The following FAHD2B variants were observed in gnomAD, a reference collection of about 807,000 sequenced individuals.
The protein encoded by FAHD2B is fumarylacetoacetate hydrolase domain containing 2B, also known as oxaloacetate tautomerase FAHD2B, mitochondrial.
Under a neutral mutation model 33.7 loss-of-function variants are expected in FAHD2B, and 26 were observed. That is an observed-to-expected ratio of 0.77 (90% CI 0.57 to 1.07). FAHD2B has a LOEUF of 1.07. Ranked by LOEUF, FAHD2B falls within the 50% of genes least tolerant of loss-of-function variation. The pLI, the probability that FAHD2B is intolerant of heterozygous loss-of-function variation, is 0.00. For synonymous variants in FAHD2B, 108 were observed against 150.9 expected, an observed-to-expected ratio of 0.72 and a Z score of 2.08; for missense variants, 272 against 388.1, an observed-to-expected ratio of 0.70 and a Z score of 2.51.
At chr2:97,085,634 T>A (rs2031925079) in intron 6 of FAHD2B, 65 bp downstream of exon 6, 1 of 1,594,700 alleles carries the variant, frequency 6.3e-7, no homozygotes, top group African/African-American at 1.3e-5. Context: ...GAACCCATGC[T>A]CCTCCCTGGA....
downstream of FAHD2B, chr2:97,081,519 G>C: frequency 1.3e-6 from 2 of 1,564,972 alleles, no homozygotes; most frequent in Non-Finnish European, 1.7e-6. Flanking sequence ...TGAGGAGGTA[G>C]GCAGGGCAGT....
chr2:97,093,406 T>C (rs1020537646), intron 1 of FAHD2B, among the ~76,000 whole-genome samples: 1 of 151,118 alleles, frequency 6.6e-6, no homozygotes, highest in African/African-American at 2.4e-5. Flanking sequence ...CATGCTAACA[T>C]AACAGTAACT....
Position 97,085,789 on chromosome 2 carries a change from T to C in FAHD2B, c.595A>G (p.Arg199Gly). Residue 199 changes from arginine (R) to glycine (G), a missense_variant, in exon 6 of 9, where the codon AGA becomes GGA. Physicochemically the swap from Arg to Gly is moderately radical, Grantham distance 125. Transcript: ENST00000414820. ...AGCAGCCACTGTTTCCCATTGCGTC[T>C]TGTTAGCCAGTCACGAGCACTCACG... ...HDVSARDWLT[R>G]RNGKQWLLGK... 1 of 1,613,812 alleles carries C rather than the reference T, an allele frequency of 6.2e-7. No homozygotes were observed. Among genetic ancestry groups the C allele is most frequent in the Non-Finnish European group, 8.5e-7 (1 of 1,179,842 alleles).
At chr2:97,082,668 C>T (rs2031694309), downstream of FAHD2B, 5 of 1,568,790 alleles carry the variant, frequency 3.2e-6, no homozygotes, top group Admixed American at 6.7e-5. Flanking sequence ...CCCTGTCCTC[C>T]CTACCTAGAG....
At chr2:97,083,078 C>T (rs1337239530), downstream of FAHD2B, 1 of 1,460,476 alleles carries the variant, frequency 6.8e-7, no homozygotes, top group Non-Finnish European at 9.1e-7. Context: ...ACAGGCCTGG[C>T]CCCTGAGCCA....
rs187793125 is a variant in FAHD2B at position 97,083,855 on chromosome 2, G to A, written c.883-38C>T. Reference sequence around the variant, plus strand: ...AGGCCATGACGGTGTCAGCCCTTCCGTCAGACACATACACAAGCCTGTACT... The same window carrying A: ...AGGCCATGACGGTGTCAGCCCTTCCATCAGACACATACACAAGCCTGTACT... On this transcript the variant is annotated intron_variant, in intron 8 of 8. Coordinates refer to ENST00000414820, the MANE Select transcript of FAHD2B (RefSeq NM_001320848.2). The A allele has an allele frequency of 3.3e-3, 5,313 of 1,614,018 alleles. 29 individuals carry two copies. The highest frequency in any genetic ancestry group is 3.5e-3 in the Non-Finnish European group (4,112 of 1,180,024).
intron 4 of FAHD2B, among the ~76,000 whole-genome samples, chr2:97,088,043 G>A (rs548732971): frequency 1.3e-5 from 2 of 152,114 alleles, no homozygotes; most frequent in Admixed American, 1.3e-4. Flanking sequence ...TGTGAAACAT[G>A]CTATGAGACA....
At chr2:97,086,509 G>A (rs552404435) in intron 4 of FAHD2B, 1 of 372,392 alleles carries the variant, frequency 2.7e-6, no homozygotes, top group Non-Finnish European at 5.0e-6. Context: ...GGATAAATAC[G>A]AAGTAATATC....
Position 97,083,820 on chromosome 2 carries a change from G to A in FAHD2B, c.883-3C>T, listed in dbSNP as rs763650605. ...TCACACTGGACTTCATCCCCCTTCT[G>A]CAACAGAGCAGGCCATGACGGTGTC... is the stretch of plus-strand genomic sequence containing the variant. On this transcript the variant is annotated splice_region_variant and splice_polypyrimidine_tract_variant and intron_variant, in intron 8 of 8. Coordinates refer to ENST00000414820, the MANE Select transcript of FAHD2B (RefSeq NM_001320848.2). 1.5e-5 allele frequency: 25 copies of A among 1,614,090 alleles called. No individual in the cohort carries two copies. The highest frequency in any genetic ancestry group is 2.0e-5 in the Non-Finnish European group (24 of 1,180,034).
rs57652563 is a variant in FAHD2B at position 97,086,250 on chromosome 2, C to G, written c.463-52G>C. 2.7e-5 allele frequency: 43 copies of G among 1,596,966 alleles called. 1 individual carries two copies. The highest frequency in any genetic ancestry group is 3.7e-5 in the Non-Finnish European group (43 of 1,171,724). On this transcript the variant is annotated intron_variant, in intron 4 of 8. Transcript: ENST00000414820. The stretch of plus-strand genomic sequence containing the variant: ...CCGCAGTGGCTTCGGGGCCCATTAT[C>G]TATGCTCAGAGGCTGTACGCCATGG...
At chr2:97,081,146 G>A (rs1037499069), downstream of FAHD2B, 10 of 1,473,228 alleles carry the variant, frequency 6.8e-6, no homozygotes, top group African/African-American at 4.3e-5. Flanking sequence ...CCGCCCCAGG[G>A]GCCCTGGGAG....
Position 97,088,478 on chromosome 2 carries a change from T to C in FAHD2B, c.462+1631A>G, listed in dbSNP as rs972766873. On this transcript the variant is annotated intron_variant, in intron 4 of 8. Coordinates refer to ENST00000414820, the MANE Select transcript of FAHD2B (RefSeq NM_001320848.2). ...ACAAGCTCTTTTCTGCCTGCTGCTA[T>C]CCACCTAAGATGTGACTTGCTCCTC... Among the ~76,000 whole-genome samples, 15 of 152,138 alleles carry C rather than the reference T, an allele frequency of 9.9e-5. 1 individual carries two copies. Among genetic ancestry groups the C allele is most frequent in the African/African-American group, 2.9e-4 (12 of 41,452 alleles).
downstream of FAHD2B, among the ~76,000 whole-genome samples, chr2:97,080,647 G>C (rs2031611126): frequency 1.3e-5 from 2 of 151,912 alleles, no homozygotes; most frequent in African/African-American, 4.8e-5. Context: ...AGTTTAATGG[G>C]AATAGCATTG....
downstream of FAHD2B, chr2:97,083,067 G>T: frequency 2.1e-6 from 3 of 1,420,482 alleles, no homozygotes; most frequent in Non-Finnish European, 2.8e-6. Context: ...GTTTCTGGGG[G>T]ACAGGCCTGG....
At chr2:97,078,830 T>C (rs1488539587), downstream of FAHD2B, among the ~76,000 whole-genome samples, 1 of 152,112 alleles carries the variant, frequency 6.6e-6, no homozygotes, top group East Asian at 1.9e-4. Flanking sequence ...ACATGTGTCA[T>C]AGGAGTTTGT....
chr2:97,084,852 T>G (rs62155547), intron 6 of FAHD2B, among the ~76,000 whole-genome samples: 37 of 149,140 alleles, frequency 2.5e-4, no homozygotes, highest in Admixed American at 1.1e-3. Context: ...GGTTGAGGCT[T>G]CAGTGAGCTG....
Position 97,090,188 on chromosome 2 carries a change from T to C in FAHD2B, c.383A>G (p.Lys128Arg). The change falls in exon 4 of 9, where the codon AAG (lysine) becomes AGG (arginine). Residue 128 changes from lysine (K) to arginine (R), a missense_variant. Lys to Arg is a conservative substitution (Grantham distance 26). Coordinates refer to ENST00000414820, the MANE Select transcript of FAHD2B (RefSeq NM_001320848.2). Reference sequence around the variant, plus strand: ...AAACTTGCTGAAGATGATGGGCTCCTTGGGCACGGGCACGTTCTGTTCTTT... The same window carrying C: ...AAACTTGCTGAAGATGATGGGCTCCCTGGGCACGGGCACGTTCTGTTCTTT... The part of the protein sequence containing the change: ...HCKEQNVPVP[K>R]EPIIFSKFAS... The C allele has an allele frequency of 2.5e-6, 4 of 1,611,232 alleles. No homozygotes were observed. The highest frequency in any genetic ancestry group is 3.4e-6 in the Non-Finnish European group (4 of 1,179,276).
At position 97,086,450 on chromosome 2, in the gene FAHD2B, C is replaced by T. The variant is rs539106122; in HGVS notation, c.463-252G>A. ...CCACTGTGACTGCAGAAGAGCAACA[C>T]GTGTCCAGGGCACTGAGTTTAAAAG... is the stretch of plus-strand genomic sequence containing the variant. On this transcript the variant is annotated intron_variant, in intron 4 of 8. Transcript: ENST00000414820. 1.0e-3 allele frequency: 539 copies of T among 528,712 alleles called. 2 individuals carry two copies. Among genetic ancestry groups the T allele is most frequent in the Non-Finnish European group, 1.2e-3 (358 of 292,310 alleles). The allele number at this position is 528,712 out of a possible 1,614,324, so 32.8% of individuals were successfully genotyped here. A position where few individuals can be genotyped will look rare whatever the true frequency, so the allele number is the denominator to read the frequency against.
chr2:97,091,197 G>A (rs527631433), intron 3 of FAHD2B, among the ~76,000 whole-genome samples: 1 of 95,032 alleles, frequency 1.1e-5, no homozygotes, highest in African/African-American at 3.0e-5. Flanking sequence ...GCAGTGTGAT[G>A]AAGTATAGAG....
Sources: gnomAD v4.1 joint callset for allele counts (sites outside exome capture counted in the v4.1 genomes callset) on GRCh38, gnomAD v4.1.1 for gene constraint, MANE v1.5 for transcripts, NCBI Gene and HGNC (gene_info 2026-07-23, HGNC 2026-07-21) for gene names.